The following CNTNAP2 variants were observed in gnomAD, a reference collection of about 807,000 sequenced individuals.
CNTNAP2 encodes the protein contactin-associated protein-like 2.
CNTNAP2 carries 98 observed loss-of-function variants against 155.2 expected under a neutral mutation model. That is an observed-to-expected ratio of 0.63 (90% CI 0.54 to 0.75). CNTNAP2 has a LOEUF of 0.75. Ranked by LOEUF, CNTNAP2 falls within the 30% of genes least tolerant of loss-of-function variation. The pLI is 0.00. For missense variants in CNTNAP2, 1,727 were observed against 1,688.1 expected, an observed-to-expected ratio of 1.02 and a Z score of -0.40; for synonymous variants, 651 against 631.2, an observed-to-expected ratio of 1.03 and a Z score of -0.47.
At chr7:147,723,544 T>C (rs1329318525) in intron 13 of CNTNAP2, among the ~76,000 whole-genome samples, 1 of 151,992 alleles carries the variant, frequency 6.6e-6, no homozygotes, top group Non-Finnish European at 1.5e-5. Context: ...TGATAGACTT[T>C]TTGGCCCTGT....
intron 10 of CNTNAP2, among the ~76,000 whole-genome samples, chr7:147,465,889 C>T (rs1011602466): frequency 2.0e-5 from 3 of 152,110 alleles, no homozygotes; most frequent in East Asian, 3.9e-4. Flanking sequence ...CTTCTGAATA[C>T]AAGTCAATAT....
chr7:148,327,422 T>C (rs1261336505), intron 21 of CNTNAP2, among the ~76,000 whole-genome samples: 1 of 152,208 alleles, frequency 6.6e-6, no homozygotes, highest in Non-Finnish European at 1.5e-5. Context: ...CTTTCCAACA[T>C]CCTCACTGAA....
At chr7:146,922,442 G>A (rs34851328) in intron 3 of CNTNAP2, among the ~76,000 whole-genome samples, 3,846 of 152,112 alleles carry the variant, frequency 0.025, 60 homozygotes, top group Non-Finnish European at 0.037. Context: ...TAGTGGTGAG[G>A]CAAGTCATTT....
chr7:147,775,279 TTATAAATATA>T, intron 13 of CNTNAP2, among the ~76,000 whole-genome samples: 1 of 100,636 alleles, frequency 9.9e-6, no homozygotes, highest in South Asian at 2.7e-4. Context: ...ATATATATAT[TTATAAATATA>T]TATATTTATA....
chr7:146,817,535 G>T (rs1803197680), intron 2 of CNTNAP2, among the ~76,000 whole-genome samples: 1 of 152,008 alleles, frequency 6.6e-6, no homozygotes, highest in South Asian at 2.1e-4. Flanking sequence ...ATTGGCCATG[G>T]TTCTGTAGGC....
intron 11 of CNTNAP2, among the ~76,000 whole-genome samples, chr7:147,490,949 C>T (rs561927049): frequency 6.6e-6 from 1 of 152,106 alleles, no homozygotes; most frequent in Admixed American, 6.5e-5. Context: ...GAGAACTCAC[C>T]CGCTGTCATG....
At chr7:147,202,364 G>C (rs1802938663) in intron 8 of CNTNAP2, among the ~76,000 whole-genome samples, 1 of 151,882 alleles carries the variant, frequency 6.6e-6, no homozygotes, top group South Asian at 2.1e-4. Context: ...ATGGTAAAAA[G>C]TATCATGCAC....
intron 3 of CNTNAP2, among the ~76,000 whole-genome samples, chr7:147,020,343 T>C (rs1470204079): frequency 6.6e-6 from 1 of 152,190 alleles, no homozygotes; most frequent in Non-Finnish European, 1.5e-5. Context: ...CTAATTAGGA[T>C]GAATTTCATA....
intron 15 of CNTNAP2, among the ~76,000 whole-genome samples, chr7:148,045,963 G>A (rs1173175038): frequency 6.6e-6 from 1 of 152,192 alleles, no homozygotes; most frequent in Non-Finnish European, 1.5e-5. Context: ...TAGTTTATGT[G>A]TGAAAACACA....
At chr7:147,894,722 T>A (rs1799748174) in intron 13 of CNTNAP2, among the ~76,000 whole-genome samples, 1 of 152,068 alleles carries the variant, frequency 6.6e-6, no homozygotes, top group African/African-American at 2.4e-5. Context: ...TCCCAGAGAC[T>A]GTGCTGGGTC....
At chr7:146,285,619 G>A (rs1800313150) in intron 1 of CNTNAP2, among the ~76,000 whole-genome samples, 1 of 151,454 alleles carries the variant, frequency 6.6e-6, no homozygotes, top group East Asian at 2.0e-4. Flanking sequence ...GTAGACTAGA[G>A]TTTGCTTCAC....
chr7:148,051,947 G>A (rs1802897236), intron 15 of CNTNAP2, among the ~76,000 whole-genome samples: 1 of 152,116 alleles, frequency 6.6e-6, no homozygotes, highest in South Asian at 2.1e-4. Flanking sequence ...AGACCATCCT[G>A]GCTAACACGG....
chr7:147,312,230 T>C (rs1489598900), intron 9 of CNTNAP2, among the ~76,000 whole-genome samples: 1 of 152,110 alleles, frequency 6.6e-6, no homozygotes, highest in Non-Finnish European at 1.5e-5. Context: ...AAAAATATTT[T>C]CTACTCCTCC....
chr7:148,226,350 C>T (rs1412029937), intron 19 of CNTNAP2, among the ~76,000 whole-genome samples: 1 of 152,012 alleles, frequency 6.6e-6, no homozygotes, highest in Non-Finnish European at 1.5e-5. Context: ...ACGAGCAGGG[C>T]AGAAGAGGGT....
intron 13 of CNTNAP2, among the ~76,000 whole-genome samples, chr7:147,893,373 A>G (rs756337365): frequency 2.0e-5 from 3 of 152,348 alleles, no homozygotes; most frequent in East Asian, 3.9e-4. Context: ...AGATGTTACT[A>G]TAGTAACACC....
intron 18 of CNTNAP2, among the ~76,000 whole-genome samples, chr7:148,182,302 G>A (rs2116705512): frequency 6.9e-6 from 1 of 144,380 alleles, no homozygotes; most frequent in South Asian, 2.3e-4. Context: ...AAAGGAACTG[G>A]TCTGATAAAT....
intron 1 of CNTNAP2, among the ~76,000 whole-genome samples, chr7:146,623,616 C>A (rs1419403746): frequency 6.6e-6 from 1 of 152,072 alleles, no homozygotes; most frequent in Non-Finnish European, 1.5e-5. Flanking sequence ...TTTTTAAGTT[C>A]ATTATATAGT....
chr7:148,215,195 G>A (rs184342844), intron 18 of CNTNAP2, among the ~76,000 whole-genome samples: 2 of 152,314 alleles, frequency 1.3e-5, no homozygotes, highest in East Asian at 3.9e-4. Flanking sequence ...ATAAAGCATT[G>A]CAATGGGAAT....
intron 11 of CNTNAP2, among the ~76,000 whole-genome samples, chr7:147,553,923 T>A (rs928729641): frequency 1.3e-5 from 2 of 151,912 alleles, no homozygotes; most frequent in Admixed American, 6.6e-5. Context: ...GATCGCGTCA[T>A]TGCACTCCAG....
Sources: gnomAD v4.1 joint callset for allele counts (sites outside exome capture counted in the v4.1 genomes callset) on GRCh38, gnomAD v4.1.1 for gene constraint, MANE v1.5 for transcripts, NCBI Gene and HGNC (gene_info 2026-07-23, HGNC 2026-07-21) for gene names.